The following KCNB2 variants were observed in gnomAD, a reference collection of about 807,000 sequenced individuals.
KCNB2 encodes potassium voltage-gated channel subfamily B member 2.
KCNB2 carries 15 observed loss-of-function variants against 61.5 expected under a neutral mutation model. The observed-to-expected ratio is 0.24, with a 90% CI of 0.16 to 0.38. KCNB2 has a LOEUF of 0.38. KCNB2 is among the 10% of genes least tolerant of loss of function. KCNB2 has a pLI of 1.00. For synonymous variants in KCNB2, 457 were observed against 446.0 expected, an observed-to-expected ratio of 1.02 and a Z score of -0.31; for missense variants, 828 against 1,125.2, an observed-to-expected ratio of 0.74 and a Z score of 3.78.
chr8:72,799,059 G>A (rs1193528294), intron 2 of KCNB2, among the ~76,000 whole-genome samples: 1 of 152,070 alleles, frequency 6.6e-6, no homozygotes, highest in Non-Finnish European at 1.5e-5. Flanking sequence ...TTAGTTATAG[G>A]CTTTAGTTCC....
Position 72,910,413 on chromosome 8 carries a change from C to T in KCNB2, c.580-25522C>T, listed in dbSNP as rs555562095. Among the ~76,000 whole-genome samples the T allele has an allele frequency of 5.3e-5, 8 of 152,026 alleles. 1 individual carries two copies. In the South Asian group the frequency reaches 1.5e-3, roughly 28 times the overall value. On this transcript the variant is annotated intron_variant, in intron 2 of 2. Transcript: ENST00000523207. ...ACCAATGCATAGACGATACCAGGAA[C>T]CACTGGAGGAAATGGTGATAAGAGT...
chr8:72,783,522 C>T (rs1344290869), intron 2 of KCNB2, among the ~76,000 whole-genome samples: 1 of 152,132 alleles, frequency 6.6e-6, no homozygotes, highest in Admixed American at 6.6e-5. Context: ...TTTGGATGCT[C>T]AGGGTACAAT....
Position 72,771,460 on chromosome 8 carries a change from C to T in KCNB2, c.580-164475C>T, listed in dbSNP as rs140553246. Among the ~76,000 whole-genome samples the T allele has an allele frequency of 1.7e-3, 255 of 152,242 alleles. 1 individual carries two copies. Among genetic ancestry groups the T allele is most frequent in the African/African-American group, 5.9e-3 (244 of 41,534 alleles). ...GATTTTGAAAGGAGCTGATTATTCT[C>T]TGGATTCTTTAAATAGAAACTCATA... is the stretch of plus-strand genomic sequence containing the variant. On this transcript the variant is annotated intron_variant, in intron 2 of 2. Coordinates refer to ENST00000523207, the MANE Select transcript of KCNB2 (RefSeq NM_004770.3).
chr8:72,664,778 A>T (rs1806439490), intron 2 of KCNB2, among the ~76,000 whole-genome samples: 1 of 152,244 alleles, frequency 6.6e-6, no homozygotes, highest in African/African-American at 2.4e-5. Flanking sequence ...AATAAGTAAA[A>T]TCACAATATG....
chr8:72,704,426 G>T (rs985216666), intron 2 of KCNB2, among the ~76,000 whole-genome samples: 2 of 152,118 alleles, frequency 1.3e-5, no homozygotes, highest in Admixed American at 1.3e-4. Flanking sequence ...TTTGCCAGGG[G>T]TCTTCCATCT....
At chr8:72,702,020 TC>T (rs1807138501) in intron 2 of KCNB2, among the ~76,000 whole-genome samples, 1 of 152,184 alleles carries the variant, frequency 6.6e-6, no homozygotes, top group African/African-American at 2.4e-5. Flanking sequence ...AGGTGTATTT[TC>T]TAAGTTATCT....
chr8:72,746,684 T>A (rs2250178), intron 2 of KCNB2, among the ~76,000 whole-genome samples: 5 of 151,910 alleles, frequency 3.3e-5, no homozygotes, highest in Admixed American at 6.6e-5. Context: ...ATGATTGCAC[T>A]GCTCTTTGAA....
At chr8:72,585,231 A>G (rs1806985496) in intron 2 of KCNB2, among the ~76,000 whole-genome samples, 1 of 152,156 alleles carries the variant, frequency 6.6e-6, no homozygotes, top group South Asian at 2.1e-4. Context: ...AAGAGATGCA[A>G]TAAGTTTTGT....
intron 2 of KCNB2, among the ~76,000 whole-genome samples, chr8:72,728,562 G>C (rs2128993295): frequency 6.6e-6 from 1 of 152,218 alleles, no homozygotes; most frequent in Non-Finnish European, 1.5e-5. Flanking sequence ...CTGTAGCCAT[G>C]GTCTGTGACA....
At chr8:72,722,898 A>C (rs912913401) in intron 2 of KCNB2, among the ~76,000 whole-genome samples, 1 of 152,198 alleles carries the variant, frequency 6.6e-6, no homozygotes, top group African/African-American at 2.4e-5. Context: ...AGCCCTGTTC[A>C]CATTCTCCTA....
At chr8:72,906,290 A>G (rs1381670925) in intron 2 of KCNB2, among the ~76,000 whole-genome samples, 1 of 152,212 alleles carries the variant, frequency 6.6e-6, no homozygotes, top group Admixed American at 6.5e-5. Context: ...TAAAACTCCT[A>G]TTTTAAGAAG....
At chr8:72,585,255 C>A (rs1806985874) in intron 2 of KCNB2, among the ~76,000 whole-genome samples, 1 of 152,170 alleles carries the variant, frequency 6.6e-6, no homozygotes, top group Non-Finnish European at 1.5e-5. Context: ...CAATTCCCAA[C>A]TAACACAGAG....
chr8:72,829,097 C>T (rs1809646725), intron 2 of KCNB2, among the ~76,000 whole-genome samples: 1 of 152,130 alleles, frequency 6.6e-6, no homozygotes, highest in Non-Finnish European at 1.5e-5. Flanking sequence ...TATCTGCCCC[C>T]AAAGCCAAAA....
chr8:72,885,176 A>G (rs140488168), intron 2 of KCNB2, among the ~76,000 whole-genome samples: 143 of 152,256 alleles, frequency 9.4e-4, no homozygotes, highest in Non-Finnish European at 4.9e-4. Context: ...CTATGCTTGC[A>G]TTCTTAACTA....
At chr8:72,774,026 T>A (rs1389184252) in intron 2 of KCNB2, among the ~76,000 whole-genome samples, 1 of 152,202 alleles carries the variant, frequency 6.6e-6, no homozygotes. Flanking sequence ...ATCAAGGGCT[T>A]ATTATATGCT....
At chr8:72,770,063 T>C (rs2128997113) in intron 2 of KCNB2, among the ~76,000 whole-genome samples, 1 of 152,264 alleles carries the variant, frequency 6.6e-6, no homozygotes, top group East Asian at 1.9e-4. Context: ...GGAGAGTCAG[T>C]CCCCATATTA....
chr8:72,672,571 C>T (rs543422822), intron 2 of KCNB2, among the ~76,000 whole-genome samples: 1 of 152,186 alleles, frequency 6.6e-6, no homozygotes, highest in South Asian at 2.1e-4. Context: ...TTATCATTCA[C>T]TGATATTTAA....
At chr8:72,720,024 G>A (rs756019252) in intron 2 of KCNB2, among the ~76,000 whole-genome samples, 25 of 152,196 alleles carry the variant, frequency 1.6e-4, no homozygotes, top group Admixed American at 5.2e-4. Context: ...GCCCAAAGCA[G>A]TTAATGACCA....
chr8:72,637,397 TC>T (rs1805982988), intron 2 of KCNB2, among the ~76,000 whole-genome samples: 2 of 152,188 alleles, frequency 1.3e-5, no homozygotes, highest in Admixed American at 1.3e-4. Flanking sequence ...CCTTCCTGTC[TC>T]TGAATAGATC....
Sources: allele counts gnomAD v4.1 joint callset (sites outside exome capture counted in the v4.1 genomes callset), GRCh38; gene constraint gnomAD v4.1.1; transcripts MANE v1.5; gene names NCBI Gene and HGNC (gene_info 2026-07-23, HGNC 2026-07-21).